DMXL2: variants seen among roughly 807,000 people sequenced by gnomAD.
DMXL2 encodes the protein Dmx like 2.
DMXL2 carries 103 observed loss-of-function variants against 331.1 expected under a neutral mutation model. The observed-to-expected ratio is 0.31, with a 90% confidence interval of 0.27 to 0.37. DMXL2 has a LOEUF of 0.37. DMXL2 is among the 10% of genes least tolerant of loss of function. The pLI, the probability that DMXL2 is intolerant of heterozygous loss-of-function variation, is 1.00. For missense variants in DMXL2, 3,171 were observed against 3,642.9 expected (o/e 0.87, Z 3.33); for synonymous variants, 1,281 against 1,252.1 (o/e 1.02, Z -0.49).
chr15:51,491,379 T>TA, intron 20 of DMXL2, among the ~76,000 whole-genome samples, 199 bp downstream of exon 20: 1 of 151,818 alleles, frequency 6.6e-6, no homozygotes, highest in Admixed American at 6.5e-5. Context: ...AGGCAGAGGT[T>TA]ACAGTGAGCC....
chr15:51,463,925 G>A (rs1485777278), intron 32 of DMXL2, among the ~76,000 whole-genome samples: 1 of 151,774 alleles, frequency 6.6e-6, no homozygotes, highest in Admixed American at 6.6e-5. Context: ...ATTAATCAGG[G>A]TCCACTACCT....
chr15:51,496,183 T>C (rs1025534288), intron 18 of DMXL2, among the ~76,000 whole-genome samples: 1 of 152,092 alleles, frequency 6.6e-6, no homozygotes, highest in Admixed American at 6.6e-5. Context: ...ATCTATTACA[T>C]GTGAGGGACT....
chr15:51,589,966 T>C (rs571477383), intron 1 of DMXL2, among the ~76,000 whole-genome samples: 2 of 152,296 alleles, frequency 1.3e-5, no homozygotes, highest in African/African-American at 4.8e-5. Flanking sequence ...AAACAACACA[T>C]AATAGAAAAA....
intron 1 of DMXL2, among the ~76,000 whole-genome samples, chr15:51,579,030 G>A (rs867371068): frequency 4.6e-5 from 7 of 152,128 alleles, no homozygotes; most frequent in South Asian, 2.1e-4. Context: ...ACTTAAGCCC[G>A]GGAAGTCAAG....
At chr15:51,480,242 C>A (rs2271677) in intron 24 of DMXL2, 103 bp from the exon 25 acceptor site, 1 of 1,175,046 alleles carries the variant, frequency 8.5e-7, no homozygotes, top group South Asian at 1.8e-5. Context: ...GGAATATGTT[C>A]GCTCACTCAT....
intron 29 of DMXL2, chr15:51,466,539 T>C: frequency 6.3e-6 from 1 of 158,642 alleles, no homozygotes; most frequent in Non-Finnish European, 1.4e-5. Flanking sequence ...GGTAAAACTC[T>C]CATATTCAAT....
In DMXL2 at chr15:51,466,225, T is replaced by C; in HGVS notation, c.7479A>G (p.Ser2493=). Residue 2493 remains serine, a synonymous_variant, in exon 30 of 44, where the codon TCA becomes TCG. Coordinates refer to ENST00000560891, the MANE Select transcript of DMXL2 (RefSeq NM_001378457.1). ...CTTGGTGCTCCTGTATTTGTGTATCTGAAAAAAAGGCATCATCTTCTTCAT... is the reference window on the plus strand; with the variant it reads ...CTTGGTGCTCCTGTATTTGTGTATCCGAAAAAAAGGCATCATCTTCTTCAT... ...HSDEEDDAFF[S]DTQIQEHQDP... 1 of 1,578,776 alleles carries C rather than the reference T, an allele frequency of 6.3e-7. No individual in the cohort carries two copies. The highest frequency in any genetic ancestry group is 8.6e-7 in the Non-Finnish European group (1 of 1,167,470).
chr15:51,586,983 T>TAAA (rs34212997), intron 1 of DMXL2, among the ~76,000 whole-genome samples: 2,199 of 144,326 alleles, frequency 0.015, 50 homozygotes, highest in East Asian at 0.065. Flanking sequence ...CAAAAATCTC[T>TAAA]AAAAAAAAAA....
At chr15:51,450,532 A>C in intron 42 of DMXL2, 186 bp from the exon 43 acceptor site, 1 of 617,228 alleles carries the variant, frequency 1.6e-6, no homozygotes, top group East Asian at 2.9e-5. Flanking sequence ...GCAATGTCAG[A>C]ACAAACTTTT....
chr15:51,450,543 T>TA lies in DMXL2; in HGVS notation c.8750-198dup, dbSNP rs981050107. ...TTAAGCAATGTCAGAACAAACTTTT[T>TA]ATCCATAATCTCAATATGAAATGAA... On this transcript the variant is annotated intron_variant, in intron 42 of 43. Transcript: ENST00000560891. The TA allele has an allele frequency of 1.5e-5, 9 of 587,212 alleles. No individual in the cohort carries two copies. In the Admixed American group the frequency reaches 1.8e-4, roughly 12 times the overall value. The allele number at this position is 587,212 out of a possible 1,614,324, so 36.4% of individuals were successfully genotyped here.
At chr15:51,568,362 AC>A (rs2050432609) in intron 3 of DMXL2, 124 bp downstream of exon 3, 1 of 611,220 alleles carries the variant, frequency 1.6e-6, no homozygotes, top group Non-Finnish European at 2.8e-6. Context: ...AAAGCACTAG[AC>A]CAATTTTTCA....
In DMXL2 at chr15:51,480,838, G is replaced by T. The variant is rs1221695303; in HGVS notation, c.6268C>A (p.His2090Asn). The T allele has an allele frequency of 6.2e-7, 1 of 1,612,728 alleles. No homozygotes were observed. The highest frequency in any genetic ancestry group is 8.5e-7 in the Non-Finnish European group (1 of 1,179,474). The change falls in exon 24 of 44, where the codon CAT becomes AAT. Residue 2090 changes from histidine (H) to asparagine (N), a missense_variant. Physicochemically the swap from His to Asn is moderately conservative, Grantham distance 68 (BLOSUM62 1). Coordinates refer to ENST00000560891, the MANE Select transcript of DMXL2 (RefSeq NM_001378457.1). ...GAATACTCTTTAATAACTGATTCAT[G>T]ATTACATATCTCATGCAAGGCAGCA... The part of the protein sequence containing the change: ...EIAALHEICN[H>N]ESVIKEYSSK...
intron 20 of DMXL2, 66 bp downstream of exon 20, chr15:51,491,512 A>G (rs2042797466): frequency 1.4e-6 from 2 of 1,461,988 alleles, no homozygotes; most frequent in South Asian, 2.5e-5. Context: ...TCTGGGAGAT[A>G]GTATCTTTTT....
At chr15:51,593,502 TCAA>T (rs2052554749) in intron 1 of DMXL2, among the ~76,000 whole-genome samples, 1 of 152,158 alleles carries the variant, frequency 6.6e-6, no homozygotes, top group Admixed American at 6.5e-5. Flanking sequence ...ATTAGACAGA[TCAA>T]CGAGACAGAA....
At chr15:51,457,722 G>C (rs531570902) in intron 36 of DMXL2, 1 of 365,118 alleles carries the variant, frequency 2.7e-6, no homozygotes, top group Non-Finnish European at 5.0e-6. Flanking sequence ...AAAGTTTGTT[G>C]TTATCTATGG....
At chr15:51,610,290 C>T (rs1387968005) in intron 1 of DMXL2, among the ~76,000 whole-genome samples, 1 of 151,742 alleles carries the variant, frequency 6.6e-6, no homozygotes, top group Admixed American at 6.6e-5. Context: ...TTAACAAAAC[C>T]ACAAGATAGG....
intron 13 of DMXL2, among the ~76,000 whole-genome samples, chr15:51,521,989 T>C (rs535674840): frequency 1.3e-5 from 2 of 152,316 alleles, no homozygotes; most frequent in African/African-American, 4.8e-5. Context: ...ACCCTATCTT[T>C]CATCATGACT....
intron 9 of DMXL2, among the ~76,000 whole-genome samples, chr15:51,540,093 G>A (rs993199907): frequency 1.2e-4 from 18 of 152,166 alleles, no homozygotes; most frequent in African/African-American, 4.3e-4. Context: ...ATGTGCCTAT[G>A]TAGTAATCTT....
At position 51,464,716 on chromosome 15, in the gene DMXL2, A is replaced by C; in HGVS notation, c.7767T>G (p.Leu2589=). 6.2e-7 allele frequency: 1 copy of C among 1,614,130 alleles called. No individual in the cohort carries two copies. Among genetic ancestry groups the C allele is most frequent in the Non-Finnish European group, 8.5e-7 (1 of 1,180,000 alleles). The change falls in exon 32 of 44, where the codon CTT becomes CTG. Residue 2589 remains leucine, a synonymous_variant. Coordinates refer to ENST00000560891, the MANE Select transcript of DMXL2 (RefSeq NM_001378457.1). ...CAGGTTCTAGCATTGCTTTATTTCG[A>C]AGAATAGCTGGTCCAGCTCCCACTG... ...DLSVGAGPAI[L]RNKAMLEPEN... is the part of the protein sequence containing the mutation.
Sources: allele counts gnomAD v4.1 joint callset (sites outside exome capture counted in the v4.1 genomes callset), GRCh38; gene constraint gnomAD v4.1.1; transcripts MANE v1.5; gene names NCBI Gene and HGNC (gene_info 2026-07-23, HGNC 2026-07-21).